Variants in CDC42BPB observed in about 807,000 individuals in gnomAD.
CDC42BPB encodes CDC42 binding protein kinase beta, also known as serine/threonine-protein kinase MRCK beta.
Under a neutral mutation model 214.9 loss-of-function variants are expected in CDC42BPB, and 37 were observed. The ratio of observed to expected loss-of-function variants is 0.17; its 90% CI spans 0.13 to 0.23. CDC42BPB has a LOEUF of 0.23. CDC42BPB is among the 10% of genes least tolerant of loss of function. The pLI is 1.00. For missense variants in CDC42BPB, 1,694 were observed against 2,227.0 expected (o/e 0.76, Z 4.82); for synonymous variants, 931 against 884.0 (o/e 1.05, Z -0.94).
At chr14:102,938,446 T>C (rs1891739553) in intron 34 of CDC42BPB, 35 bp from the exon 35 acceptor site, 5 of 1,510,172 alleles carry the variant, frequency 3.3e-6, no homozygotes, top group East Asian at 2.3e-5. Context: ...GCATGCTTGG[T>C]TGACACCCGG....
At chr14:102,949,964 A>G in intron 25 of CDC42BPB, 60 bp from the exon 26 acceptor site, 1 of 1,597,462 alleles carries the variant, frequency 6.3e-7, no homozygotes, top group Non-Finnish European at 8.5e-7. Context: ...GCCAGGCCCC[A>G]TTACACTCGT....
chr14:103,018,623 TG>T (rs1396628423), intron 1 of CDC42BPB, among the ~76,000 whole-genome samples: 1 of 152,046 alleles, frequency 6.6e-6, no homozygotes, highest in African/African-American at 2.4e-5. Flanking sequence ...GCTTGATGAA[TG>T]GGGTGCTACA....
chr14:103,007,754 C>T (rs900060197), intron 3 of CDC42BPB, among the ~76,000 whole-genome samples: 1 of 151,554 alleles, frequency 6.6e-6, no homozygotes, highest in Admixed American at 6.6e-5. Context: ...GCGGGAGTCA[C>T]GGGAGAGGAT....
intron 1 of CDC42BPB, among the ~76,000 whole-genome samples, chr14:103,037,650 G>A (rs1271558910): frequency 1.3e-5 from 2 of 152,154 alleles, no homozygotes; most frequent in African/African-American, 2.4e-5. Flanking sequence ...ACCTACAACT[G>A]CCCTCCAAGG....
At chr14:103,043,137 G>C (rs1370118620) in intron 1 of CDC42BPB, among the ~76,000 whole-genome samples, 3 of 152,146 alleles carry the variant, frequency 2.0e-5, no homozygotes, top group Non-Finnish European at 2.9e-5. Context: ...CCAGCTATTT[G>C]GGAGGCTGAG....
In CDC42BPB at chr14:102,939,698, G is replaced by C; in HGVS notation, c.4739C>G (p.Ser1580Cys). 1.2e-6 allele frequency: 2 copies of C among 1,614,188 alleles called. No homozygotes were observed. Among genetic ancestry groups the C allele is most frequent in the Non-Finnish European group, 1.7e-6 (2 of 1,180,034 alleles). ...GTTGGTTGGGTTGGATATCATTTTGGATCTCAATTCTGGGTCTCTAAGCAT... is the reference window on the plus strand; with the variant it reads ...GTTGGTTGGGTTGGATATCATTTTGCATCTCAATTCTGGGTCTCTAAGCAT... ...REMLRDPELR[S>C]KMISNPTNFN... Residue 1580 changes from serine (S) to cysteine (C), a missense_variant, in exon 34 of 37, where the codon TCC (serine) becomes TGC (cysteine). Ser to Cys is a moderately radical substitution (Grantham distance 112). This residue lies in a region of CDC42BPB where 567 missense variants were observed against 790.3 expected (regional missense o/e 0.72). Transcript: ENST00000361246.
chr14:102,994,566 C>T (rs1566888984), intron 5 of CDC42BPB, among the ~76,000 whole-genome samples: 1 of 152,194 alleles, frequency 6.6e-6, no homozygotes, highest in Non-Finnish European at 1.5e-5. Flanking sequence ...CCATTCTCCT[C>T]TAATGGCACA....
intron 5 of CDC42BPB, among the ~76,000 whole-genome samples, chr14:102,992,200 A>G (rs1894525564): frequency 1.3e-5 from 2 of 152,172 alleles, no homozygotes; most frequent in African/African-American, 4.8e-5. Context: ...GTTTTGAACA[A>G]TCCACTGAGT....
intron 17 of CDC42BPB, 90 bp from the exon 18 acceptor site, chr14:102,966,477 C>T (rs1486398633): frequency 3.2e-6 from 5 of 1,542,998 alleles, no homozygotes; most frequent in Non-Finnish European, 3.5e-6. Flanking sequence ...TTCCTCGGCA[C>T]ACAGTGACAC....
At chr14:102,959,860 A>AAT in intron 20 of CDC42BPB, 150 bp from the exon 21 acceptor site, 1 of 1,145,810 alleles carries the variant, frequency 8.7e-7, no homozygotes, top group Non-Finnish European at 1.1e-6. Context: ...AAAAAAAAAA[A>AAT]GGGGTCAGGC....
At chr14:102,962,712 T>A (rs948540573) in intron 20 of CDC42BPB, among the ~76,000 whole-genome samples, 3 of 151,768 alleles carry the variant, frequency 2.0e-5, no homozygotes, top group Admixed American at 6.6e-5. Context: ...TAGCCAGGGG[T>A]GGTGGTGGTG....
At chr14:102,947,917 G>A (rs1327720241) in intron 26 of CDC42BPB, 115 bp from the exon 27 acceptor site, 1 of 1,565,310 alleles carries the variant, frequency 6.4e-7, no homozygotes, top group Admixed American at 1.8e-5. Flanking sequence ...GTTCTGCAGT[G>A]GAGGGCGGGT....
chr14:102,958,454 A>G (rs1302301821), intron 21 of CDC42BPB, among the ~76,000 whole-genome samples: 1 of 151,996 alleles, frequency 6.6e-6, no homozygotes, highest in African/African-American at 2.4e-5. Flanking sequence ...GGCTGGAACC[A>G]CCTTCCCCAC....
intron 1 of CDC42BPB, among the ~76,000 whole-genome samples, chr14:103,012,619 A>G (rs1175478916): frequency 2.6e-5 from 4 of 152,204 alleles, no homozygotes; most frequent in Non-Finnish European, 4.4e-5. Context: ...AGTCAGACCA[A>G]CATGGTGAAA....
intron 6 of CDC42BPB, among the ~76,000 whole-genome samples, chr14:102,985,828 C>T (rs529019062): frequency 1.4e-3 from 216 of 152,388 alleles, no homozygotes; most frequent in African/African-American, 4.9e-3. Flanking sequence ...TTGCTGCAAG[C>T]AGCTGCCAAC....
At position 103,002,388 on chromosome 14, in the gene CDC42BPB, C is replaced by T. The variant is rs543312975; in HGVS notation, c.447+1540G>A. Among the ~76,000 whole-genome samples the T allele has an allele frequency of 5.3e-5, 8 of 152,318 alleles. No homozygotes were observed. The East Asian group carries it at 5.8e-4, about 11-fold the overall frequency. ...AATCTTCACAGGGGCTCCTAACTGA[C>T]GTGTGTTAACTTAGAATAAACCTGG... On this transcript the variant is annotated intron_variant, in intron 4 of 36. Coordinates refer to ENST00000361246, the MANE Select transcript of CDC42BPB (RefSeq NM_006035.4).
intron 1 of CDC42BPB, among the ~76,000 whole-genome samples, chr14:103,019,103 G>A (rs142093858): frequency 6.6e-6 from 1 of 152,188 alleles, no homozygotes; most frequent in East Asian, 1.9e-4. Context: ...TCCCATGCCA[G>A]CTAATTCTTT....
At chr14:103,032,282 T>C (rs1887424668) in intron 1 of CDC42BPB, among the ~76,000 whole-genome samples, 1 of 152,128 alleles carries the variant, frequency 6.6e-6, no homozygotes, top group South Asian at 2.1e-4. Context: ...GGTGCACACT[T>C]GGGCCTCAGG....
chr14:103,020,771 G>A (rs1886727243), intron 1 of CDC42BPB, among the ~76,000 whole-genome samples: 1 of 152,256 alleles, frequency 6.6e-6, no homozygotes. Flanking sequence ...AGAGTTCACA[G>A]CTCCAAAGGC....
Sources: gnomAD v4.1 joint callset for allele counts (sites outside exome capture counted in the v4.1 genomes callset) on GRCh38, gnomAD v4.1.1 for gene constraint, gnomAD v4.1.1 regional missense constraint, MANE v1.5 for transcripts, NCBI Gene and HGNC (gene_info 2026-07-23, HGNC 2026-07-21) for gene names.